CHFR: variants seen among roughly 807,000 people sequenced by gnomAD.
CHFR encodes E3 ubiquitin-protein ligase CHFR.
Under a neutral mutation model 87.6 loss-of-function variants are expected in CHFR, and 57 were observed. The observed-to-expected ratio is 0.65, with a 90% CI of 0.53 to 0.81. CHFR has a LOEUF of 0.81. Among genes scored for constraint, CHFR ranks in the 30% least tolerant of loss-of-function variants. CHFR has a pLI of 0.00. For missense variants in CHFR, 797 were observed against 865.8 expected (o/e 0.92, Z 1.00); for synonymous variants, 381 against 359.2 (o/e 1.06, Z -0.69).
chr12:132,884,429 C>CCT (rs1951840513), intron 2 of CHFR, among the ~76,000 whole-genome samples: 1 of 146,456 alleles, frequency 6.8e-6, no homozygotes, highest in African/African-American at 2.5e-5. Context: ...AAAAAAAATA[C>CCT]ATATATATAT....
chr12:132,855,246 A>G (rs1290285906), intron 10 of CHFR, among the ~76,000 whole-genome samples: 3 of 151,654 alleles, frequency 2.0e-5, no homozygotes, highest in African/African-American at 7.3e-5. Flanking sequence ...TGTCTCGAAA[A>G]AAAAAAAAAA....
intron 3 of CHFR, among the ~76,000 whole-genome samples, chr12:132,875,899 G>T (rs1238042568): frequency 6.6e-6 from 1 of 152,138 alleles, no homozygotes; most frequent in African/African-American, 2.4e-5. Flanking sequence ...AGCTGGCCGG[G>T]CGCGATGGCT....
Position 132,857,538 on chromosome 12 carries a change from C to T in CHFR, c.933G>A (p.Thr311=), listed in dbSNP as rs142975525. The T allele has an allele frequency of 1.3e-5, 21 of 1,613,968 alleles. No homozygotes were observed. Among genetic ancestry groups the T allele is most frequent in the East Asian group, 6.7e-5 (3 of 44,892 alleles). ...DCVSLQPCMH[T]FCAACYSGWM... ...AGCCCGAGTAGCAAGCCGCGCAGAA[C>T]GTGTGCATGCAGGGCTGCAAACTGA... The change falls in exon 9 of 18, where the codon ACG becomes ACA. Residue 311 remains threonine, a synonymous_variant. Coordinates refer to ENST00000450056, the MANE Select transcript of CHFR (RefSeq NM_001161346.2).
intron 2 of CHFR, among the ~76,000 whole-genome samples, chr12:132,878,052 T>A (rs1381471536): frequency 3.3e-5 from 5 of 151,712 alleles, no homozygotes; most frequent in African/African-American, 1.2e-4. Context: ...TCTGCCCACC[T>A]TGGCCTCCCA....
chr12:132,873,039 A>T (rs768937103), intron 3 of CHFR, among the ~76,000 whole-genome samples: 1 of 152,198 alleles, frequency 6.6e-6, no homozygotes, highest in Non-Finnish European at 1.5e-5. Flanking sequence ...GAGACCTGAC[A>T]GCAAATCAGG....
chr12:132,851,830 G>A lies in CHFR; in HGVS notation c.1373-93C>T, dbSNP rs535298827. ...CCGCCGGGAAGCACAGCGAGGAGAG[G>A]TGCACCTGAGACAGCCGGGGAAGAA... On this transcript the variant is annotated intron_variant, in intron 11 of 17. Coordinates refer to ENST00000450056, the MANE Select transcript of CHFR (RefSeq NM_001161346.2). 1,204 of 1,444,286 alleles carry A rather than the reference G, an allele frequency of 8.3e-4. 1 individual carries two copies. The highest frequency in any genetic ancestry group is 1.0e-3 in the Non-Finnish European group (1,079 of 1,070,818). The allele number at this position is 1,444,286 out of a possible 1,614,324, so 89.5% of individuals were successfully genotyped here.
intron 2 of CHFR, among the ~76,000 whole-genome samples, chr12:132,882,701 A>T (rs539510794): frequency 4.6e-5 from 5 of 108,496 alleles, no homozygotes; most frequent in Non-Finnish European, 8.4e-5. Context: ...ATGCCAGAAC[A>T]TCAGGTTTTT....
rs1242357676 is a variant in CHFR at position 132,887,243 on chromosome 12, G to A, written c.86C>T (p.Pro29Leu). Residue 29 changes from proline (P) to leucine (L), a missense_variant, in exon 2 of 18, where the codon CCG (proline) becomes CTG (leucine). By Grantham distance (98) the Pro-to-Leu change is moderately conservative. Transcript: ENST00000450056. The stretch of plus-strand genomic sequence containing the variant: ...CTCCCGCTTCCTCAGGAGGACGTGC[G>A]GCTCGCCCTCCTCCGCGCCCAGACG... ...LLRLGAEEGE[P>L]HVLLRKREWT... The A allele has an allele frequency of 2.7e-6, 4 of 1,503,940 alleles. No homozygotes were observed. The African/African-American group carries it at 4.4e-5, about 16-fold the overall frequency. 93.2% of individuals were successfully genotyped at this position (1,503,940 alleles called of 1,614,324 possible). A position where few individuals can be genotyped will look rare whatever the true frequency, so the allele number is the denominator to read the frequency against.
chr12:132,880,954 G>A (rs1037983619), intron 2 of CHFR, among the ~76,000 whole-genome samples: 4 of 151,200 alleles, frequency 2.6e-5, no homozygotes, highest in Non-Finnish European at 5.9e-5. Context: ...GACAGAGCGA[G>A]ACTCTGGCTC....
chr12:132,884,096 G>C (rs1308874533), intron 2 of CHFR, among the ~76,000 whole-genome samples: 10 of 152,220 alleles, frequency 6.6e-5, no homozygotes, highest in Non-Finnish European at 1.2e-4. Flanking sequence ...CTCCAGCCTG[G>C]GTGACAGAGT....
At chr12:132,870,820 C>A (rs756661742) in intron 4 of CHFR, 37 bp from the exon 5 acceptor site, 1 of 1,409,474 alleles carries the variant, frequency 7.1e-7, no homozygotes. Flanking sequence ...AAGTGGTGGC[C>A]CCTGTGCAAA....
intron 2 of CHFR, among the ~76,000 whole-genome samples, chr12:132,882,640 C>G (rs1056024414): frequency 6.6e-6 from 1 of 151,982 alleles, no homozygotes; most frequent in Non-Finnish European, 1.5e-5. Context: ...AGCCCCAAAA[C>G]CAGTGCAAGT....
At chr12:132,882,094 CTTATGT>C (rs1001638780) in intron 2 of CHFR, among the ~76,000 whole-genome samples, 4 of 152,160 alleles carry the variant, frequency 2.6e-5, no homozygotes, top group African/African-American at 9.7e-5. Flanking sequence ...AGACTGCACA[CTTATGT>C]TTATATTAGC....
chr12:132,847,857 G>A, intron 14 of CHFR: 1 of 1,383,118 alleles, frequency 7.2e-7, no homozygotes, highest in Non-Finnish European at 9.4e-7. Context: ...TTGGTGGCAG[G>A]AGGCACAAAA....
At chr12:132,886,830 T>C (rs769011614) in intron 2 of CHFR, among the ~76,000 whole-genome samples, 1 of 152,200 alleles carries the variant, frequency 6.6e-6, no homozygotes, top group African/African-American at 2.4e-5. Flanking sequence ...GACCCACCGG[T>C]TGCTTTAAGA....
At position 132,835,834 on chromosome 12, in the gene CHFR, C is replaced by T. The variant is rs532183889; in HGVS notation, c.*5720G>A. 3.0e-6 allele frequency: 1 copy of T among 331,824 alleles called. No homozygotes were observed. The highest frequency in any genetic ancestry group is 2.3e-5 in the African/African-American group (1 of 43,552). 20.6% of individuals were successfully genotyped at this position (331,824 alleles called of 1,614,324 possible). ...CGCACGGCCCTCACAGTGCCAGGCT[C>T]CCAGCACAGCGCACGGCCCTCACAG... On this transcript the variant is annotated 3_prime_UTR_variant, in exon 18 of 18. Transcript: ENST00000450056.
At chr12:132,880,693 G>A (rs575834500) in intron 2 of CHFR, among the ~76,000 whole-genome samples, 9 of 151,042 alleles carry the variant, frequency 6.0e-5, no homozygotes, top group African/African-American at 1.2e-4. Flanking sequence ...TGGGCCAGGC[G>A]TGGTGGCTCA....
chr12:132,858,962 A>G lies in CHFR; in HGVS notation c.911+106T>C, dbSNP rs542792789. ...TGACAGAGTAACCTCAGCAGATGCC[A>G]GGCCAAACAGGACCTGCAGGCTTGT... On this transcript the variant is annotated intron_variant, in intron 8 of 17. Transcript: ENST00000450056. 1.3e-3 allele frequency: 1,475 copies of G among 1,144,564 alleles called. 3 individuals carry two copies. Among genetic ancestry groups the G allele is most frequent in the South Asian group, 1.9e-3 (116 of 62,654 alleles). 70.9% of individuals were successfully genotyped at this position (1,144,564 alleles called of 1,614,324 possible). A position where few individuals can be genotyped will look rare whatever the true frequency, so the allele number is the denominator to read the frequency against.
At chr12:132,871,959 TG>T in intron 4 of CHFR, 1 of 285,042 alleles carries the variant, frequency 3.5e-6, no homozygotes, top group South Asian at 9.6e-5. Context: ...TCCAGACCCC[TG>T]GTCCTAGGTT....
Sources: allele counts gnomAD v4.1 joint callset (sites outside exome capture counted in the v4.1 genomes callset), GRCh38; gene constraint gnomAD v4.1.1; transcripts MANE v1.5; gene names NCBI Gene and HGNC (gene_info 2026-07-23, HGNC 2026-07-21).